The following ESCO2 variants were observed in gnomAD, a reference collection of about 807,000 sequenced individuals.
ESCO2 encodes the protein N-acetyltransferase ESCO2.
In ESCO2, 51 loss-of-function variants were observed where a neutral mutation model predicts 61.7. The ratio of observed to expected loss-of-function variants is 0.83; its 90% CI spans 0.66 to 1.04. The LOEUF (loss-of-function observed/expected upper bound fraction) is 1.04, where lower values mean the gene tolerates loss of function less well. Among genes scored for constraint, ESCO2 ranks in the 50% least tolerant of loss-of-function variants. The pLI is 0.00. For missense variants in ESCO2, 692 were observed against 686.2 expected, an observed-to-expected ratio of 1.01 and a Z score of -0.09; for synonymous variants, 230 against 238.2, an observed-to-expected ratio of 0.97 and a Z score of 0.32.
chr8:27,791,160 G>A (rs892716795), intron 7 of ESCO2, among the ~76,000 whole-genome samples: 1 of 152,150 alleles, frequency 6.6e-6, no homozygotes, highest in African/African-American at 2.4e-5. Context: ...AGTATATACT[G>A]TAGTATAAAC....
chr8:27,813,753 G>A (rs77472164), downstream of ESCO2, among the ~76,000 whole-genome samples: 1,409 of 152,284 alleles, frequency 9.3e-3, 25 homozygotes, highest in African/African-American at 0.032. Flanking sequence ...ACAGCATAGT[G>A]AGGACATTGA....
downstream of ESCO2, among the ~76,000 whole-genome samples, chr8:27,813,574 A>G (rs1254100908): frequency 6.6e-6 from 1 of 150,868 alleles, no homozygotes; most frequent in East Asian, 2.0e-4. Flanking sequence ...CACTGACCTC[A>G]TAGCCACAGT....
downstream of ESCO2, among the ~76,000 whole-genome samples, chr8:27,809,402 T>G (rs1227439673): frequency 2.0e-5 from 3 of 152,172 alleles, no homozygotes; most frequent in Admixed American, 6.5e-5. Flanking sequence ...TGTCGGTAAT[T>G]TTTAAAATTC....
At chr8:27,775,428 T>A (rs1056428817) in intron 1 of ESCO2, 71 bp from the exon 2 acceptor site, 1 of 1,310,616 alleles carries the variant, frequency 7.6e-7, no homozygotes, top group African/African-American at 1.5e-5. Context: ...ATAGACTAAT[T>A]AAAGGGGGTA....
downstream of ESCO2, among the ~76,000 whole-genome samples, chr8:27,806,773 C>T (rs775836546): frequency 3.7e-4 from 57 of 152,100 alleles, no homozygotes; most frequent in Admixed American, 7.2e-4. Flanking sequence ...CATGCCACCA[C>T]GCCCAGCTAA....
At chr8:27,776,176 T>C (rs551518857) in intron 2 of ESCO2, among the ~76,000 whole-genome samples, 186 bp from the exon 3 acceptor site, 1 of 152,168 alleles carries the variant, frequency 6.6e-6, no homozygotes, top group South Asian at 2.1e-4. Flanking sequence ...TGGGAAGATA[T>C]TTGAATGTTT....
At position 27,797,746 on chromosome 8, in the gene ESCO2, A is replaced by G. The variant is rs184326522; in HGVS notation, c.1498-1795A>G. On this transcript the variant is annotated intron_variant, in intron 9 of 10. Transcript: ENST00000305188. ...TTCGCTTTATGGTCATGAGGCTTAC[A>G]TAAAATATCCTATAATATAACAGCC... Among the ~76,000 whole-genome samples, 92 of 152,336 alleles carry G rather than the reference A, an allele frequency of 6.0e-4. 2 individuals are homozygous for G. The highest frequency in any genetic ancestry group is 8.3e-4 in the South Asian group (4 of 4,826).
At chr8:27,798,174 C>T (rs996534647) in intron 9 of ESCO2, among the ~76,000 whole-genome samples, 3 of 152,096 alleles carry the variant, frequency 2.0e-5, no homozygotes, top group Admixed American at 6.5e-5. Context: ...AAAAACTAAA[C>T]ATAGGCCAGG....
intron 7 of ESCO2, among the ~76,000 whole-genome samples, chr8:27,789,754 C>CT (rs1805131377): frequency 6.9e-6 from 1 of 145,072 alleles, no homozygotes; most frequent in Non-Finnish European, 1.5e-5. Flanking sequence ...GCACTCTAGC[C>CT]TGGGTGACAA....
chr8:27,818,184 G>C, the ESCO2 span, among the ~76,000 whole-genome samples: 1 of 152,010 alleles, frequency 6.6e-6, no homozygotes, highest in East Asian at 1.9e-4. Context: ...CTTGGTTGTT[G>C]TAAGTCACTG....
At chr8:27,791,624 A>T (rs1168429299) in intron 7 of ESCO2, among the ~76,000 whole-genome samples, 1 of 151,920 alleles carries the variant, frequency 6.6e-6, no homozygotes, top group Non-Finnish European at 1.5e-5. Flanking sequence ...CCCCTCCCCT[A>T]CCTGCCCACT....
chr8:27,818,894 T>G, the ESCO2 span, among the ~76,000 whole-genome samples: 2 of 152,170 alleles, frequency 1.3e-5, no homozygotes, highest in African/African-American at 4.8e-5. Flanking sequence ...TATATGGGGA[T>G]TCAAGTGTAA....
chr8:27,796,390 T>C (rs1291426679), intron 9 of ESCO2, among the ~76,000 whole-genome samples: 1 of 152,152 alleles, frequency 6.6e-6, no homozygotes, highest in Non-Finnish European at 1.5e-5. Context: ...GCGAATCTTT[T>C]CTATTTTTTG....
chr8:27,799,700 C>T lies in ESCO2; in HGVS notation c.1657C>T (p.Leu553=), dbSNP rs1805383020. 1 of 1,613,834 alleles carries T rather than the reference C, an allele frequency of 6.2e-7. No homozygotes were observed. The highest frequency in any genetic ancestry group is 8.5e-7 in the Non-Finnish European group (1 of 1,179,986). Residue 553 remains leucine (L), a synonymous_variant, in exon 10 of 11, where the codon CTG becomes TTG. Coordinates refer to ENST00000305188, the MANE Select transcript of ESCO2 (RefSeq NM_001017420.3). ...LKRRKRIARR[L]VDTLRNCFMF... ...GAGAAGAAAGCGCATTGCAAGACGACTGGTTGATACCCTCAGGTAAGAAAT... is the reference window on the plus strand; with the variant it reads ...GAGAAGAAAGCGCATTGCAAGACGATTGGTTGATACCCTCAGGTAAGAAAT...
chr8:27,789,022 TAA>T (rs1352569888), intron 7 of ESCO2, 44 bp downstream of exon 7: 16 of 1,612,822 alleles, frequency 9.9e-6, no homozygotes, highest in Non-Finnish European at 1.4e-5. Flanking sequence ...GAAGTAAAAC[TAA>T]AAGAGACATT....
rs771510045 is a variant in ESCO2, at chr8:27,777,003, G to A, written c.695G>A (p.Arg232His). The A allele has an allele frequency of 1.1e-5, 18 of 1,612,184 alleles. No individual in the cohort carries two copies. The highest frequency in any genetic ancestry group is 8.8e-5 in the South Asian group (8 of 90,530). Residue 232 changes from arginine (R) to histidine (H), a missense_variant, in exon 3 of 11, where the codon CGC (arginine) becomes CAC (histidine). Arg to His is a conservative substitution (Grantham distance 29, BLOSUM62 0). Coordinates refer to ENST00000305188, the MANE Select transcript of ESCO2 (RefSeq NM_001017420.3). ...CTGGAAAATGAGCCGTCACTGGGAC[G>A]CACCCAAAAGAGTAAATCAGAAGTC... ...SSLENEPSLG[R>H]TQKSKSEVIE...
At chr8:27,802,591 A>G (rs1805455564) in intron 10 of ESCO2, among the ~76,000 whole-genome samples, 1 of 108,134 alleles carries the variant, frequency 9.2e-6, no homozygotes, top group African/African-American at 3.4e-5. Flanking sequence ...CTGGGCGACA[A>G]AGTGAGACTC....
At chr8:27,774,166 CTTTA>C (rs68114079), upstream of ESCO2, among the ~76,000 whole-genome samples, 83,090 of 150,878 alleles carry the variant, frequency 0.55, 23,415 homozygotes, top group East Asian at 0.95. Flanking sequence ...TTGGAGAGGC[CTTTA>C]TTTATTTATT....
intron 2 of ESCO2, among the ~76,000 whole-genome samples, chr8:27,775,842 A>G (rs1203106841): frequency 1.3e-5 from 2 of 152,210 alleles, no homozygotes; most frequent in African/African-American, 4.8e-5. Context: ...TGTTTTCTAT[A>G]GCTAGGAAAT....
Sources: allele counts gnomAD v4.1 joint callset (sites outside exome capture counted in the v4.1 genomes callset), GRCh38; gene constraint gnomAD v4.1.1; transcripts MANE v1.5; gene names NCBI Gene and HGNC (gene_info 2026-07-23, HGNC 2026-07-21).